Variants in DIAPH1 observed in about 807,000 individuals in gnomAD.
DIAPH1 encodes the protein diaphanous related formin 1, also known as protein diaphanous homolog 1.
A neutral mutation model predicts 140.7 loss-of-function variants in DIAPH1; 46 were observed. The observed-to-expected ratio is 0.33, with a 90% CI of 0.26 to 0.42. The LOEUF (loss-of-function observed/expected upper bound fraction) is 0.42. Ranked by LOEUF, DIAPH1 falls within the 10% of genes least tolerant of loss-of-function variation. DIAPH1 has a pLI of 1.00. For synonymous variants in DIAPH1, 565 were observed against 551.6 expected, an observed-to-expected ratio of 1.02 and a Z score of -0.34; for missense variants, 1,310 against 1,558.7, an observed-to-expected ratio of 0.84 and a Z score of 2.69.
intron 16 of DIAPH1, among the ~76,000 whole-genome samples, chr5:141,572,339 A>G (rs1446164509): frequency 6.6e-6 from 1 of 152,204 alleles, no homozygotes; most frequent in East Asian, 1.9e-4. Context: ...AGTCTTGCTC[A>G]TCATTAAATT....
intron 1 of DIAPH1, among the ~76,000 whole-genome samples, chr5:141,606,163 GA>G (rs2099900915): frequency 6.6e-6 from 1 of 151,880 alleles, no homozygotes; most frequent in South Asian, 2.1e-4. Context: ...ATGTGCTTAT[GA>G]AAAAAATGGT....
Position 141,537,004 on chromosome 5 carries a change from C to T in DIAPH1, c.2483-2571G>A, listed in dbSNP as rs193082919. Among the ~76,000 whole-genome samples, 22 of 151,700 alleles carry T rather than the reference C, an allele frequency of 1.5e-4. No individual in the cohort carries two copies. The East Asian group carries it at 4.3e-3, about 30-fold the overall frequency. ...GGGCAACATAGTGAGACCCTGTCTCCATTTAAAAAAAAATTTAGCTGGGCA... is the reference window on the plus strand; with the variant it reads ...GGGCAACATAGTGAGACCCTGTCTCTATTTAAAAAAAAATTTAGCTGGGCA... On this transcript the variant is annotated intron_variant, in intron 18 of 27. Coordinates refer to ENST00000389054, the MANE Select transcript of DIAPH1 (RefSeq NM_005219.5).
chr5:141,561,360 TTTTG>T (rs1375104084), intron 18 of DIAPH1, among the ~76,000 whole-genome samples: 2 of 150,746 alleles, frequency 1.3e-5, no homozygotes, highest in African/African-American at 2.4e-5. Flanking sequence ...GTGAAAAGAG[TTTTG>T]TTTTTTTTTT....
chr5:141,572,673 G>A (rs1053134114), intron 16 of DIAPH1, among the ~76,000 whole-genome samples: 2 of 151,436 alleles, frequency 1.3e-5, no homozygotes, highest in African/African-American at 2.4e-5. Flanking sequence ...GGTGGCACAC[G>A]CCTGTAATCC....
At chr5:141,587,227 A>G in intron 2 of DIAPH1, 30 bp from the exon 3 acceptor site, 2 of 1,611,270 alleles carry the variant, frequency 1.2e-6, no homozygotes, top group South Asian at 2.2e-5. Flanking sequence ...ATTAGCAGTG[A>G]TCCATTTTCA....
In DIAPH1 at chr5:141,573,992, G is replaced by A. The variant is rs1297448550; in HGVS notation, c.1858C>T (p.Pro620Ser). The change falls in exon 16 of 28, where the codon CCT becomes TCT. Residue 620 changes from proline (P) to serine (S), a missense_variant. This residue lies in a region of DIAPH1 where 589 missense variants were observed against 549.3 expected (regional missense o/e 1.07). Transcript: ENST00000389054. ...PPPPPPPPPP[P>S]LPGGVCISSP... ...GAGATGCAAACACCCCCAGGCAAAG[G>A]AGGTGGAGGAGGAGGAGGAGGAGGA... 1 of 1,551,584 alleles carries A rather than the reference G, an allele frequency of 6.4e-7. No homozygotes were observed. Among genetic ancestry groups the A allele is most frequent in the South Asian group, 1.2e-5 (1 of 83,974 alleles).
chr5:141,577,538 G>C lies in DIAPH1; in HGVS notation c.1217C>G (p.Ala406Gly), dbSNP rs2099896141. ...ILLNTVKDSK[A>G]EPHFLSILQH... ...CAGGATGGAAAGGAAGTGTGGCTCT[G>C]CCTTTGAATCCTTCACTGTGTTTAA... The change falls in exon 12 of 28, where the codon GCA becomes GGA. Residue 406 changes from alanine to glycine, a missense_variant. Transcript: ENST00000389054. 1 of 1,613,988 alleles carries C rather than the reference G, an allele frequency of 6.2e-7. No individual in the cohort carries two copies. The highest frequency in any genetic ancestry group is 8.5e-7 in the Non-Finnish European group (1 of 1,179,856).
At chr5:141,523,256 G>A (rs979688700) in intron 27 of DIAPH1, among the ~76,000 whole-genome samples, 1 of 152,166 alleles carries the variant, frequency 6.6e-6, no homozygotes, top group Non-Finnish European at 1.5e-5. Flanking sequence ...CTCTAATGAT[G>A]CCTTTTTTTG....
intron 18 of DIAPH1, chr5:141,557,895 C>G (rs964640503): frequency 6.6e-6 from 1 of 152,228 alleles, no homozygotes; most frequent in African/African-American, 2.4e-5. Context: ...CTCTGCAAAC[C>G]AGACTCCTCC....
At chr5:141,529,760 T>A in intron 19 of DIAPH1, 63 bp from the exon 20 acceptor site, 7 of 1,362,978 alleles carry the variant, frequency 5.1e-6, no homozygotes, top group Non-Finnish European at 7.3e-6. Context: ...CAACCCATCC[T>A]GCAAACCTAT....
chr5:141,526,645 T>C (rs963903946), intron 24 of DIAPH1, among the ~76,000 whole-genome samples, 184 bp from the exon 25 acceptor site: 2 of 152,218 alleles, frequency 1.3e-5, no homozygotes, highest in African/African-American at 4.8e-5. Flanking sequence ...CCATGAACTA[T>C]GGTACACCTA....
intron 1 of DIAPH1, chr5:141,618,527 C>A (rs1205533548): frequency 2.8e-6 from 1 of 356,882 alleles, no homozygotes; most frequent in African/African-American, 2.2e-5. Flanking sequence ...TGAGAGCCGG[C>A]CGGGGATATG....
At chr5:141,607,925 G>A (rs2099901214) in intron 1 of DIAPH1, among the ~76,000 whole-genome samples, 1 of 152,148 alleles carries the variant, frequency 6.6e-6, no homozygotes, top group South Asian at 2.1e-4. Context: ...AGAGATGTTA[G>A]AAATGATTCA....
Position 141,549,509 on chromosome 5 carries a change from C to T in DIAPH1, c.2483-15076G>A, listed in dbSNP as rs139337303. Among the ~76,000 whole-genome samples the T allele has an allele frequency of 7.6e-3, 1,161 of 152,148 alleles. 19 individuals carry two copies. The highest frequency in any genetic ancestry group is 0.026 in the African/African-American group (1,098 of 41,526). On this transcript the variant is annotated intron_variant, in intron 18 of 27. Coordinates refer to ENST00000389054, the MANE Select transcript of DIAPH1 (RefSeq NM_005219.5). The stretch of plus-strand genomic sequence containing the variant: ...CAAGCAGATAAAAACTTGGAAAGGA[C>T]GTAGAAAATCTGACCATATCTAACA...
At chr5:141,528,326 G>T in intron 23 of DIAPH1, 127 bp downstream of exon 23, 2 of 1,360,576 alleles carry the variant, frequency 1.5e-6, no homozygotes, top group Non-Finnish European at 2.1e-6. Flanking sequence ...TAGGCACCAT[G>T]CCTAAATCCT....
chr5:141,578,302 T>C lies in DIAPH1; in HGVS notation c.1086A>G (p.Leu362=), dbSNP rs758185998. The C allele has an allele frequency of 5.0e-6, 8 of 1,614,044 alleles. No homozygotes were observed. The highest frequency in any genetic ancestry group is 5.9e-6 in the Non-Finnish European group (7 of 1,179,994). ...EIENEDMRVQ[L]NVFDEQGEED... is the part of the protein sequence containing the mutation. ...CTTCCCCTTGTTCATCAAACACATT[T>C]AGTTGCACTCTCATATCTTCATTTT... Residue 362 remains leucine (L), a synonymous_variant, in exon 11 of 28, where the codon CTA becomes CTG. Coordinates refer to ENST00000389054, the MANE Select transcript of DIAPH1 (RefSeq NM_005219.5).
chr5:141,522,362 T>G (rs1440156026), intron 27 of DIAPH1, among the ~76,000 whole-genome samples: 1 of 152,132 alleles, frequency 6.6e-6, no homozygotes, highest in Non-Finnish European at 1.5e-5. Flanking sequence ...TGCTGGAAGG[T>G]TAGTTTCCAA....
At chr5:141,517,879 A>AT (rs1029573267) in intron 27 of DIAPH1, among the ~76,000 whole-genome samples, 2 of 152,180 alleles carry the variant, frequency 1.3e-5, no homozygotes, top group African/African-American at 4.8e-5. Context: ...CAAGACTCTC[A>AT]TATTCATTTA....
intron 1 of DIAPH1, 197 bp downstream of exon 1, chr5:141,618,601 A>G: frequency 2.1e-6 from 1 of 486,670 alleles, no homozygotes; most frequent in Non-Finnish European, 3.8e-6. Flanking sequence ...CCGGGGCAAG[A>G]GCCGGGTGGG....
Sources: gnomAD v4.1 joint callset for allele counts (sites outside exome capture counted in the v4.1 genomes callset) on GRCh38, gnomAD v4.1.1 for gene constraint, gnomAD v4.1.1 regional missense constraint, MANE v1.5 for transcripts, NCBI Gene and HGNC (gene_info 2026-07-23, HGNC 2026-07-21) for gene names.